The following PCDH7 variants were observed in gnomAD, a reference collection of about 807,000 sequenced individuals.
PCDH7 encodes the protein protocadherin-7.
PCDH7 carries 17 observed loss-of-function variants against 58.9 expected under a neutral mutation model. The ratio of observed to expected loss-of-function variants is 0.29; its 90% CI spans 0.20 to 0.43. The LOEUF (loss-of-function observed/expected upper bound fraction) is 0.43. Among genes scored for constraint, PCDH7 ranks in the 20% least tolerant of loss-of-function variants. The probability of loss-of-function intolerance (pLI) is 1.00; values close to 1 mark genes in which losing one functional copy is unlikely to be tolerated. For synonymous variants in PCDH7, 664 were observed against 616.4 expected (o/e 1.08, Z -1.14); for missense variants, 1,274 against 1,441.0 (o/e 0.88, Z 1.88).
intron 1 of PCDH7, among the ~76,000 whole-genome samples, chr4:30,858,345 G>T (rs944769199): frequency 2.6e-5 from 4 of 151,836 alleles, no homozygotes; most frequent in African/African-American, 9.7e-5. Flanking sequence ...CCATCCTTAC[G>T]GATTTGTGAA....
intron 3 of PCDH7, among the ~76,000 whole-genome samples, chr4:31,108,369 T>TAAAAAAAAAAAAA (rs71190491): frequency 2.0e-4 from 12 of 60,088 alleles, no homozygotes; most frequent in African/African-American, 3.3e-4. Context: ...CAGCATACAG[T>TAAAAAAAAAAAAA]AAAAAAAAAA....
chr4:30,961,814 C>T (rs1235692369), intron 3 of PCDH7, among the ~76,000 whole-genome samples: 1 of 152,140 alleles, frequency 6.6e-6, no homozygotes, highest in Non-Finnish European at 1.5e-5. Flanking sequence ...AAGCTGCAAA[C>T]AGAGTCAATT....
chr4:30,891,973 GA>G (rs1002682033), intron 1 of PCDH7, among the ~76,000 whole-genome samples: 1 of 151,872 alleles, frequency 6.6e-6, no homozygotes, highest in African/African-American at 2.4e-5. Flanking sequence ...AGGAAAAAGA[GA>G]GATACTCTGT....
chr4:31,083,696 T>C (rs1711923990), intron 3 of PCDH7, among the ~76,000 whole-genome samples: 1 of 152,208 alleles, frequency 6.6e-6, no homozygotes, highest in Non-Finnish European at 1.5e-5. Context: ...CTAGCCTGTC[T>C]TCAATATGCT....
intron 1 of PCDH7, among the ~76,000 whole-genome samples, chr4:30,894,113 G>T (rs143943472): frequency 3.9e-5 from 6 of 152,008 alleles, no homozygotes; most frequent in African/African-American, 1.2e-4. Context: ...AATTATTTCT[G>T]TAGGAATATG....
At chr4:31,065,890 A>T (rs1013206258) in intron 3 of PCDH7, among the ~76,000 whole-genome samples, 2 of 151,928 alleles carry the variant, frequency 1.3e-5, no homozygotes, top group Non-Finnish European at 2.9e-5. Flanking sequence ...TTAATTGTGC[A>T]ATATAATTTC....
chr4:30,801,948 G>T (rs1725576913), intron 1 of PCDH7, among the ~76,000 whole-genome samples: 1 of 152,158 alleles, frequency 6.6e-6, no homozygotes, highest in East Asian at 1.9e-4. Context: ...CCAACCTTTT[G>T]GTTAGAGAAG....
intron 3 of PCDH7, among the ~76,000 whole-genome samples, chr4:31,047,525 G>A (rs1425593785): frequency 6.6e-6 from 1 of 151,938 alleles, no homozygotes; most frequent in Non-Finnish European, 1.5e-5. Context: ...TCACACAATT[G>A]TCATTTCTCC....
chr4:30,781,839 A>C (rs934118270), intron 1 of PCDH7, among the ~76,000 whole-genome samples: 2 of 152,016 alleles, frequency 1.3e-5, no homozygotes, highest in Admixed American at 6.6e-5. Context: ...CCTGGCCTCT[A>C]TCTCCTTTTC....
chr4:30,777,737 C>T (rs868859920), intron 1 of PCDH7, among the ~76,000 whole-genome samples: 8 of 152,192 alleles, frequency 5.3e-5, no homozygotes, highest in East Asian at 1.9e-4. Context: ...TCATTTACTA[C>T]GTTACATTTA....
At chr4:30,838,641 C>A (rs1452669387) in intron 1 of PCDH7, among the ~76,000 whole-genome samples, 2 of 152,000 alleles carry the variant, frequency 1.3e-5, no homozygotes, top group Admixed American at 6.6e-5. Flanking sequence ...CCCAAGAATT[C>A]TTTTTCTTTT....
At chr4:31,030,753 CA>C (rs71651572) in intron 3 of PCDH7, among the ~76,000 whole-genome samples, 6,877 of 151,894 alleles carry the variant, frequency 0.045, 374 homozygotes, top group East Asian at 0.28. Context: ...CAGTTTCAAG[CA>C]AAAAAAGACA....
intron 1 of PCDH7, among the ~76,000 whole-genome samples, chr4:30,815,819 G>A (rs1727600572): frequency 6.6e-6 from 1 of 152,134 alleles, no homozygotes; most frequent in South Asian, 2.1e-4. Flanking sequence ...TGCCAGCTGT[G>A]ACCAATTATT....
At chr4:30,835,372 AT>A (rs1182760835) in intron 1 of PCDH7, among the ~76,000 whole-genome samples, 1 of 152,106 alleles carries the variant, frequency 6.6e-6, no homozygotes, top group Non-Finnish European at 1.5e-5. Context: ...TGTGAAACCT[AT>A]TGTGAACTGC....
At chr4:30,816,275 A>C (rs922137394) in intron 1 of PCDH7, among the ~76,000 whole-genome samples, 1 of 152,158 alleles carries the variant, frequency 6.6e-6, no homozygotes, top group Admixed American at 6.6e-5. Flanking sequence ...GTTTTTGTAT[A>C]ATGCTGCTAG....
intron 1 of PCDH7, among the ~76,000 whole-genome samples, chr4:30,915,319 C>T (rs940856421): frequency 6.6e-6 from 1 of 152,062 alleles, no homozygotes; most frequent in Non-Finnish European, 1.5e-5. Flanking sequence ...TCTTTTGGTC[C>T]AACCTACAAT....
At chr4:30,953,753 A>G (rs1747581435) in intron 3 of PCDH7, among the ~76,000 whole-genome samples, 1 of 152,170 alleles carries the variant, frequency 6.6e-6, no homozygotes, top group African/African-American at 2.4e-5. Context: ...AATTTAATAC[A>G]TATTTTAGTT....
intron 1 of PCDH7, among the ~76,000 whole-genome samples, chr4:30,892,589 T>C (rs1295670484): frequency 1.3e-5 from 2 of 152,112 alleles, no homozygotes; most frequent in African/African-American, 4.8e-5. Flanking sequence ...CAATGAATTA[T>C]ACTGCATAGG....
chr4:31,056,437 A>G (rs995399080), intron 3 of PCDH7, among the ~76,000 whole-genome samples: 2 of 84,556 alleles, frequency 2.4e-5, no homozygotes, highest in East Asian at 4.9e-4. Context: ...AGAAAAAGAA[A>G]GAAGGAAAGA....
Sources: gnomAD v4.1 joint callset for allele counts (sites outside exome capture counted in the v4.1 genomes callset) on GRCh38, gnomAD v4.1.1 for gene constraint, MANE v1.5 for transcripts, NCBI Gene and HGNC (gene_info 2026-07-23, HGNC 2026-07-21) for gene names.